SH3GL2: variants seen among roughly 807,000 people sequenced by gnomAD.
The protein encoded by SH3GL2 is SH3 domain containing GRB2 like 2, endophilin A1, also known as endophilin-A1.
Under a neutral mutation model 46.0 loss-of-function variants are expected in SH3GL2, and 24 were observed. The observed-to-expected ratio is 0.52, with a 90% CI of 0.38 to 0.73. The LOEUF is 0.73. Among genes scored for constraint, SH3GL2 ranks in the 30% least tolerant of loss-of-function variants. The pLI is 0.00. For synonymous variants in SH3GL2, 196 were observed against 147.1 expected (o/e 1.33, Z -2.40); for missense variants, 413 against 424.2 (o/e 0.97, Z 0.23).
chr9:17,585,113 A>G (rs1818348685), intron 1 of SH3GL2, among the ~76,000 whole-genome samples: 1 of 152,196 alleles, frequency 6.6e-6, no homozygotes, highest in East Asian at 1.9e-4. Flanking sequence ...AGCAGATTCC[A>G]TTCTGCCAAG....
chr9:17,696,825 A>G (rs975846888), intron 1 of SH3GL2, among the ~76,000 whole-genome samples: 2 of 152,160 alleles, frequency 1.3e-5, no homozygotes, highest in East Asian at 3.8e-4. Context: ...TCGATTTTTC[A>G]TAGCCCATTT....
At chr9:17,598,823 G>C (rs998141323) in intron 1 of SH3GL2, among the ~76,000 whole-genome samples, 1 of 152,172 alleles carries the variant, frequency 6.6e-6, no homozygotes, top group African/African-American at 2.4e-5. Flanking sequence ...CCATTTTACT[G>C]ATGAGGAAAC....
intron 3 of SH3GL2, among the ~76,000 whole-genome samples, chr9:17,766,515 C>G (rs113512840): frequency 1.3e-5 from 2 of 152,128 alleles, no homozygotes; most frequent in African/African-American, 2.4e-5. Context: ...TCGATGTTGT[C>G]CAATAGAAAT....
chr9:17,698,465 C>A (rs1821263235), intron 1 of SH3GL2, among the ~76,000 whole-genome samples: 1 of 151,978 alleles, frequency 6.6e-6, no homozygotes, highest in Admixed American at 6.6e-5. Flanking sequence ...AGAAGAAAAT[C>A]CTTGGAAAGT....
chr9:17,682,631 A>T (rs896552760), intron 1 of SH3GL2, among the ~76,000 whole-genome samples: 1 of 151,906 alleles, frequency 6.6e-6, no homozygotes. Context: ...ACATATACCT[A>T]TGTAACAAAC....
chr9:17,786,793 C>T (rs1182078367), intron 4 of SH3GL2, among the ~76,000 whole-genome samples: 1 of 152,010 alleles, frequency 6.6e-6, no homozygotes, highest in South Asian at 2.1e-4. Context: ...CTCCTTGGCA[C>T]TTTCTATTGG....
intron 1 of SH3GL2, among the ~76,000 whole-genome samples, chr9:17,684,780 G>A (rs922160151): frequency 6.6e-6 from 1 of 152,064 alleles, no homozygotes; most frequent in Admixed American, 6.6e-5. Context: ...ATTAGGTAAG[G>A]TTACAGTGTT....
intron 3 of SH3GL2, among the ~76,000 whole-genome samples, chr9:17,769,730 C>A (rs142146184): frequency 6.6e-6 from 1 of 152,066 alleles, no homozygotes; most frequent in South Asian, 2.1e-4. Flanking sequence ...GAATTATCTT[C>A]TAATTTATCT....
intron 1 of SH3GL2, among the ~76,000 whole-genome samples, chr9:17,600,410 A>C (rs183106471): frequency 1.3e-5 from 2 of 152,240 alleles, no homozygotes; most frequent in Non-Finnish European, 2.9e-5. Flanking sequence ...CCACCTCCAC[A>C]CAAGCCTTTC....
chr9:17,784,914 A>G (rs767586147), intron 3 of SH3GL2, among the ~76,000 whole-genome samples: 1 of 152,050 alleles, frequency 6.6e-6, no homozygotes, highest in African/African-American at 2.4e-5. Context: ...GGGTCTTGCT[A>G]TGTTGCCTTG....
intron 1 of SH3GL2, among the ~76,000 whole-genome samples, chr9:17,653,683 T>C (rs1820005646): frequency 6.6e-6 from 1 of 152,220 alleles, no homozygotes; most frequent in African/African-American, 2.4e-5. Context: ...TGAGAGCTCC[T>C]CGCCTTGTGA....
chr9:17,786,664 A>T, intron 4 of SH3GL2, 140 bp downstream of exon 4: 1 of 759,408 alleles, frequency 1.3e-6, no homozygotes, highest in South Asian at 1.6e-5. Flanking sequence ...TGGGCCAAAA[A>T]TTTGTTTTCA....
At chr9:17,638,573 G>A (rs867315239) in intron 1 of SH3GL2, among the ~76,000 whole-genome samples, 2 of 152,224 alleles carry the variant, frequency 1.3e-5, no homozygotes, top group African/African-American at 4.8e-5. Context: ...TTTGAGAAAT[G>A]ATGTATAAGC....
chr9:17,779,612 A>C (rs1421809280), intron 3 of SH3GL2, among the ~76,000 whole-genome samples: 1 of 152,210 alleles, frequency 6.6e-6, no homozygotes, highest in Non-Finnish European at 1.5e-5. Flanking sequence ...GACACCAATT[A>C]AAAGCTAATC....
intron 1 of SH3GL2, among the ~76,000 whole-genome samples, chr9:17,642,342 G>C (rs1819705811): frequency 6.6e-6 from 1 of 152,144 alleles, no homozygotes; most frequent in Non-Finnish European, 1.5e-5. Context: ...TTCTTTTGCT[G>C]TGCAGAAGCT....
chr9:17,730,050 G>C (rs1259223016), intron 1 of SH3GL2, among the ~76,000 whole-genome samples: 1 of 152,218 alleles, frequency 6.6e-6, no homozygotes, highest in Admixed American at 6.5e-5. Flanking sequence ...ATTACTTTGG[G>C]CAATATGGCC....
intron 1 of SH3GL2, among the ~76,000 whole-genome samples, chr9:17,691,473 G>A (rs1252700911): frequency 6.6e-6 from 1 of 152,018 alleles, no homozygotes; most frequent in East Asian, 1.9e-4. Flanking sequence ...AATTTTTTGG[G>A]CGGCCTACAA....
At chr9:17,705,443 T>G (rs1289873327) in intron 1 of SH3GL2, among the ~76,000 whole-genome samples, 1 of 151,964 alleles carries the variant, frequency 6.6e-6, no homozygotes, top group Non-Finnish European at 1.5e-5. Flanking sequence ...CATGTATGCA[T>G]ATGTTCAGCA....
At position 17,729,542 on chromosome 9, in the gene SH3GL2, A is replaced by G. The variant is rs1199092126; in HGVS notation, c.46-17524A>G. ...AGTCATGAAGTCTTTGCCCATGCCT[A>G]TGTCCTGAATGGTATTGCCTAGGTT... On this transcript the variant is annotated intron_variant, in intron 1 of 8. Transcript: ENST00000380607. 1.2e-4 allele frequency among the ~76,000 whole-genome samples: 18 copies of G among 152,256 alleles called. No homozygotes were observed. The East Asian group carries it at 1.9e-3, about 16-fold the overall frequency.
Sources: gnomAD v4.1 joint callset for allele counts (sites outside exome capture counted in the v4.1 genomes callset) on GRCh38, gnomAD v4.1.1 for gene constraint, MANE v1.5 for transcripts, NCBI Gene and HGNC (gene_info 2026-07-23, HGNC 2026-07-21) for gene names.